Variants in NALCN observed in about 807,000 individuals in gnomAD.
NALCN encodes the protein sodium leak channel NALCN.
Under a neutral mutation model 225.3 loss-of-function variants are expected in NALCN, and 111 were observed. The observed-to-expected ratio is 0.49, with a 90% CI of 0.42 to 0.58. The LOEUF is 0.58. Among genes scored for constraint, NALCN ranks in the 20% least tolerant of loss-of-function variants. NALCN has a pLI of 0.00. For missense variants in NALCN, 1,378 were observed against 2,202.4 expected (o/e 0.63, Z 7.49); for synonymous variants, 764 against 769.0 (o/e 0.99, Z 0.11).
At chr13:101,398,125 C>T (rs1048618824) in intron 2 of NALCN, among the ~76,000 whole-genome samples, 8 of 152,192 alleles carry the variant, frequency 5.3e-5, no homozygotes, top group South Asian at 2.1e-4. Context: ...GTCACACTAA[C>T]GTATTTTAAT....
chr13:101,288,678 G>C (rs2043431663), intron 9 of NALCN, among the ~76,000 whole-genome samples: 1 of 152,168 alleles, frequency 6.6e-6, no homozygotes, highest in Admixed American at 6.5e-5. Flanking sequence ...AGAAATGATT[G>C]CTGTCTTTGT....
chr13:101,247,331 G>C (rs977282441), intron 11 of NALCN, among the ~76,000 whole-genome samples: 4 of 152,124 alleles, frequency 2.6e-5, no homozygotes, highest in African/African-American at 7.2e-5. Context: ...CAAGAACTGT[G>C]ATATCACCCA....
At chr13:101,219,367 A>G (rs12431265) in intron 13 of NALCN, among the ~76,000 whole-genome samples, 28,380 of 152,056 alleles carry the variant, frequency 0.19, 2,843 homozygotes, top group East Asian at 0.36. Context: ...AATACTGGGA[A>G]AAGGAATCCG....
At chr13:101,299,100 T>G (rs2043857968) in intron 7 of NALCN, among the ~76,000 whole-genome samples, 1 of 152,254 alleles carries the variant, frequency 6.6e-6, no homozygotes, top group Non-Finnish European at 1.5e-5. Flanking sequence ...TTGTATAAAG[T>G]ATTTGCCACA....
intron 6 of NALCN, among the ~76,000 whole-genome samples, chr13:101,368,272 C>T (rs1023545161): frequency 6.6e-5 from 10 of 150,836 alleles, no homozygotes; most frequent in Admixed American, 2.0e-4. Context: ...TTTGTTCTTG[C>T]GATAGTTTAC....
intron 11 of NALCN, among the ~76,000 whole-genome samples, chr13:101,253,396 T>A (rs2042118955): frequency 6.6e-6 from 1 of 152,192 alleles, no homozygotes; most frequent in Admixed American, 6.5e-5. Context: ...AATAACTTCT[T>A]TAAAAGCTCA....
At chr13:101,090,103 C>T (rs886867986) in intron 28 of NALCN, 137 bp from the exon 29 acceptor site, 3 of 1,232,548 alleles carry the variant, frequency 2.4e-6, no homozygotes, top group Non-Finnish European at 3.4e-6. Context: ...TACACACACA[C>T]GTGTGCGTGC....
At chr13:101,408,009 T>C (rs2139544060) in intron 1 of NALCN, among the ~76,000 whole-genome samples, 1 of 152,330 alleles carries the variant, frequency 6.6e-6, no homozygotes, top group South Asian at 2.1e-4. Flanking sequence ...ATTCTGATTT[T>C]ACAGGTGAAA....
chr13:101,298,213 T>C (rs1295762236), intron 7 of NALCN, among the ~76,000 whole-genome samples: 1 of 152,228 alleles, frequency 6.6e-6, no homozygotes. Flanking sequence ...TGTTTTCACA[T>C]GTGCATGATT....
intron 13 of NALCN, among the ~76,000 whole-genome samples, chr13:101,198,945 A>C (rs1049481358): frequency 6.6e-6 from 1 of 151,798 alleles, no homozygotes; most frequent in Non-Finnish European, 1.5e-5. Flanking sequence ...TATACACCAT[A>C]GAATACTATG....
chr13:101,287,114 T>A (rs1308550961), intron 9 of NALCN, among the ~76,000 whole-genome samples: 1 of 152,244 alleles, frequency 6.6e-6, no homozygotes, highest in Non-Finnish European at 1.5e-5. Flanking sequence ...TGCCCTTGGC[T>A]ACTGCCCCCA....
chr13:101,136,314 A>ATT (rs61142230), intron 17 of NALCN, among the ~76,000 whole-genome samples: 6,578 of 74,196 alleles, frequency 0.089, 490 homozygotes, highest in African/African-American at 0.18. Context: ...TTATTTATTT[A>ATT]TATATTATAC....
At position 101,416,433 on chromosome 13, in the gene NALCN, C is replaced by A. The variant is rs1594805866; in HGVS notation, c.-160G>T. On this transcript the variant is annotated 5_prime_UTR_variant, in exon 1 of 44. Transcript: ENST00000251127. ...AGGGCGGGCGGGGACGCGGGCCCCT[C>A]ACCTACGGCGGCTCAGCTCAGGCAG... is the stretch of plus-strand genomic sequence containing the variant. The A allele has an allele frequency of 1.3e-5, 2 of 152,098 alleles. No homozygotes were observed. The highest frequency in any genetic ancestry group is 4.0e-4 in the South Asian group (2 of 5,002). The allele number at this position is 152,098 out of a possible 1,614,324, so 9.4% of individuals were successfully genotyped here.
intron 15 of NALCN, among the ~76,000 whole-genome samples, chr13:101,175,618 C>T (rs1414053877): frequency 7.9e-5 from 12 of 152,162 alleles, no homozygotes; most frequent in Admixed American, 7.9e-4. Flanking sequence ...TTGTCCCACT[C>T]TCTTGCGAGC....
chr13:101,347,327 T>C (rs2045772664), intron 6 of NALCN, among the ~76,000 whole-genome samples: 1 of 152,106 alleles, frequency 6.6e-6, no homozygotes, highest in Admixed American at 6.6e-5. Flanking sequence ...AGTGGTTAAA[T>C]CATTGCTCCC....
intron 7 of NALCN, among the ~76,000 whole-genome samples, chr13:101,300,213 C>A (rs1401161976): frequency 6.6e-6 from 1 of 152,102 alleles, no homozygotes; most frequent in Admixed American, 6.6e-5. Context: ...GCAGCTAGAA[C>A]TAAATTACTT....
Position 101,345,251 on chromosome 13 carries a change from A to C in NALCN, c.799+15T>G. On this transcript the variant is annotated intron_variant, in intron 7 of 43. Coordinates refer to ENST00000251127, the MANE Select transcript of NALCN (RefSeq NM_052867.4). The stretch of plus-strand genomic sequence containing the variant: ...AAAATAGAAACTTAAAACGTATTTT[A>C]CCAGTAAGACAGACCTATCTCATTA... 6.2e-7 allele frequency: 1 copy of C among 1,605,086 alleles called. No individual in the cohort carries two copies. Among genetic ancestry groups the C allele is most frequent in the Non-Finnish European group, 8.5e-7 (1 of 1,175,084 alleles).
At chr13:101,141,237 T>C (rs1336018450) in intron 17 of NALCN, among the ~76,000 whole-genome samples, 1 of 152,114 alleles carries the variant, frequency 6.6e-6, no homozygotes, top group Non-Finnish European at 1.5e-5. Flanking sequence ...AAGACTCTAG[T>C]TGGAGCAGTT....
At chr13:101,370,968 TGCA>T (rs1428904473) in intron 6 of NALCN, among the ~76,000 whole-genome samples, 4 of 152,232 alleles carry the variant, frequency 2.6e-5, no homozygotes, top group Non-Finnish European at 5.9e-5. Context: ...AAGATAAGTT[TGCA>T]TTTTCTAGAA....
Sources: gnomAD v4.1 joint callset for allele counts (sites outside exome capture counted in the v4.1 genomes callset) on GRCh38, gnomAD v4.1.1 for gene constraint, MANE v1.5 for transcripts, NCBI Gene and HGNC (gene_info 2026-07-23, HGNC 2026-07-21) for gene names.